Variants in NCKAP5 observed in about 807,000 individuals in gnomAD.
NCKAP5 encodes the protein NCK associated protein 5, also known as nck-associated protein 5.
In NCKAP5, 92 loss-of-function variants were observed where a neutral mutation model predicts 167.0. The observed-to-expected ratio is 0.55, with a 90% CI of 0.47 to 0.66. The LOEUF (loss-of-function observed/expected upper bound fraction) is 0.66. Among genes scored for constraint, NCKAP5 ranks in the 30% least tolerant of loss-of-function variants. The pLI, the probability that NCKAP5 is intolerant of heterozygous loss-of-function variation, is 0.00. For synonymous variants in NCKAP5, 891 were observed against 877.4 expected, an observed-to-expected ratio of 1.02 and a Z score of -0.27; for missense variants, 2,378 against 2,315.0, an observed-to-expected ratio of 1.03 and a Z score of -0.56.
chr2:133,549,122 G>C (rs1687031662), intron 2 of NCKAP5, among the ~76,000 whole-genome samples: 1 of 150,114 alleles, frequency 6.7e-6, no homozygotes, highest in Non-Finnish European at 1.5e-5. Flanking sequence ...AAGATCAAAA[G>C]AGACAAAGAA....
chr2:133,269,163 T>C (rs1447236657), intron 4 of NCKAP5: 1 of 152,188 alleles, frequency 6.6e-6, no homozygotes, highest in Non-Finnish European at 1.5e-5. Flanking sequence ...TCAAAATATA[T>C]CATCTCATGT....
At chr2:133,205,775 T>A (rs1267020731) in intron 5 of NCKAP5, among the ~76,000 whole-genome samples, 1 of 152,102 alleles carries the variant, frequency 6.6e-6, no homozygotes, top group Non-Finnish European at 1.5e-5. Context: ...ATATCTCTTT[T>A]TATATCCATT....
At chr2:132,848,077 A>T (rs1172150395) in intron 11 of NCKAP5, among the ~76,000 whole-genome samples, 1 of 152,192 alleles carries the variant, frequency 6.6e-6, no homozygotes, top group African/African-American at 2.4e-5. Context: ...TGTTATGTGG[A>T]TCTTCAGTGT....
At chr2:133,315,211 A>C (rs1300451509) in intron 3 of NCKAP5, among the ~76,000 whole-genome samples, 1 of 152,168 alleles carries the variant, frequency 6.6e-6, no homozygotes, top group African/African-American at 2.4e-5. Context: ...AGCTGAGGCC[A>C]CTGGAAGGAG....
intron 6 of NCKAP5, among the ~76,000 whole-genome samples, chr2:133,018,133 T>G (rs572023218): frequency 6.6e-6 from 1 of 152,292 alleles, no homozygotes; most frequent in African/African-American, 2.4e-5. Context: ...ATAGCTTTCC[T>G]CAAATGTCCT....
chr2:133,211,149 T>G (rs980827352), intron 5 of NCKAP5, among the ~76,000 whole-genome samples: 17 of 151,838 alleles, frequency 1.1e-4, no homozygotes, highest in Non-Finnish European at 2.4e-4. Context: ...CCCCCAGACA[T>G]CCCCATGGTA....
intron 6 of NCKAP5, among the ~76,000 whole-genome samples, chr2:133,093,494 A>T (rs1286557130): frequency 2.0e-5 from 3 of 152,234 alleles, no homozygotes; most frequent in African/African-American, 7.2e-5. Flanking sequence ...ACTTTAGGCT[A>T]CTTACCATCA....
intron 16 of NCKAP5, among the ~76,000 whole-genome samples, chr2:132,753,372 G>A (rs1680273265): frequency 1.3e-5 from 2 of 151,954 alleles, no homozygotes; most frequent in Non-Finnish European, 2.9e-5. Flanking sequence ...AAATGAATCT[G>A]GTGTTTCAAA....
At chr2:132,743,883 GCT>G (rs1679419189) in intron 16 of NCKAP5, among the ~76,000 whole-genome samples, 1 of 151,464 alleles carries the variant, frequency 6.6e-6, no homozygotes, top group South Asian at 2.1e-4. Context: ...TAAAAAGAAA[GCT>G]AGAGTCACTA....
At chr2:133,390,748 G>A (rs553961762) in intron 3 of NCKAP5, among the ~76,000 whole-genome samples, 12 of 152,168 alleles carry the variant, frequency 7.9e-5, no homozygotes, top group Admixed American at 3.9e-4. Context: ...TGTGTACACC[G>A]TTACCTGTGT....
At chr2:132,810,915 A>G (rs763972470) in intron 11 of NCKAP5, among the ~76,000 whole-genome samples, 1 of 152,156 alleles carries the variant, frequency 6.6e-6, no homozygotes, top group Non-Finnish European at 1.5e-5. Flanking sequence ...GTCAGAGGGA[A>G]GGTACAGGGT....
intron 3 of NCKAP5, among the ~76,000 whole-genome samples, chr2:133,412,307 G>A (rs1043375976): frequency 1.3e-4 from 20 of 152,178 alleles, no homozygotes; most frequent in African/African-American, 2.4e-4. Flanking sequence ...GAACCTGACC[G>A]TGCTGGCCCT....
rs530102681 is a variant in NCKAP5 at position 132,817,272 on chromosome 2, T to C, written c.808-20543A>G. On this transcript the variant is annotated intron_variant, in intron 11 of 19. Transcript: ENST00000409261. ...AATACCATCTCATTATTGACATTTA[T>C]GTTGATCGATGTTGGCTCTTACAGA... 9.8e-5 allele frequency among the ~76,000 whole-genome samples: 15 copies of C among 152,326 alleles called. No individual in the cohort carries two copies. The East Asian group carries it at 2.9e-3, about 29-fold the overall frequency.
chr2:133,476,309 C>A (rs1310554074), intron 3 of NCKAP5, among the ~76,000 whole-genome samples: 1 of 152,188 alleles, frequency 6.6e-6, no homozygotes, highest in African/African-American at 2.4e-5. Context: ...AGCATTAAAG[C>A]ATTGAGGAAA....
intron 3 of NCKAP5, among the ~76,000 whole-genome samples, chr2:133,468,712 T>G (rs1267502127): frequency 3.3e-5 from 5 of 152,360 alleles, no homozygotes; most frequent in Admixed American, 6.5e-5. Context: ...GGTGCATATA[T>G]ATTTAGGATA....
chr2:132,695,911 A>G (rs1352288747), intron 19 of NCKAP5, among the ~76,000 whole-genome samples: 1 of 152,184 alleles, frequency 6.6e-6, no homozygotes, highest in Admixed American at 6.5e-5. Flanking sequence ...ATACCCTTCT[A>G]CTAGCTTTGT....
intron 6 of NCKAP5, among the ~76,000 whole-genome samples, chr2:133,081,736 T>C (rs909286130): frequency 1.3e-5 from 2 of 152,152 alleles, no homozygotes; most frequent in Non-Finnish European, 2.9e-5. Flanking sequence ...CAGGTAAAGA[T>C]GGCCTTTTGG....
At chr2:132,880,262 G>A (rs1338394852) in intron 8 of NCKAP5, among the ~76,000 whole-genome samples, 1 of 152,182 alleles carries the variant, frequency 6.6e-6, no homozygotes, top group Non-Finnish European at 1.5e-5. Context: ...GCAGAGTAGG[G>A]TGACTATAGC....
chr2:133,058,030 C>G (rs1435003689), intron 6 of NCKAP5, among the ~76,000 whole-genome samples: 1 of 152,102 alleles, frequency 6.6e-6, no homozygotes, highest in East Asian at 1.9e-4. Context: ...GCCTCTGGCT[C>G]TATAGATGGA....
Sources: allele counts gnomAD v4.1 joint callset (sites outside exome capture counted in the v4.1 genomes callset), GRCh38; gene constraint gnomAD v4.1.1; transcripts MANE v1.5; gene names NCBI Gene and HGNC (gene_info 2026-07-23, HGNC 2026-07-21).